ARHGAP29: variants seen among roughly 807,000 people sequenced by gnomAD.
ARHGAP29 encodes the protein rho GTPase-activating protein 29.
In ARHGAP29, 43 loss-of-function variants were observed where a neutral mutation model predicts 122.6. That is an observed-to-expected ratio of 0.35 (90% CI 0.27 to 0.45). ARHGAP29 has a LOEUF of 0.45. Ranked by LOEUF, ARHGAP29 falls within the 20% of genes least tolerant of loss-of-function variation. The probability of loss-of-function intolerance (pLI) is 1.00; values close to 1 mark genes in which losing one functional copy is unlikely to be tolerated. For missense variants in ARHGAP29, 1,303 were observed against 1,477.2 expected (o/e 0.88, Z 1.93); for synonymous variants, 506 against 497.1 (o/e 1.02, Z -0.24).
chr1:94,292,050 C>G, the ARHGAP29 span, among the ~76,000 whole-genome samples: 1 of 152,186 alleles, frequency 6.6e-6, no homozygotes, highest in Admixed American at 6.5e-5. Context: ...AGAGTGTTTT[C>G]TGACTTGGTT....
chr1:94,202,407 G>GA, intron 11 of ARHGAP29, 137 bp downstream of exon 11: 1 of 1,025,228 alleles, frequency 9.8e-7, no homozygotes, highest in East Asian at 2.5e-5. Context: ...TACTGAATGA[G>GA]AAACTCTGGG....
At chr1:94,266,031 A>G (rs1208807102) in intron 1 of ARHGAP29, among the ~76,000 whole-genome samples, 1 of 152,224 alleles carries the variant, frequency 6.6e-6, no homozygotes, top group Non-Finnish European at 1.5e-5. Flanking sequence ...TTTCTGGGCT[A>G]TTTTATGAGC....
intron 1 of ARHGAP29, among the ~76,000 whole-genome samples, chr1:94,234,601 C>A (rs1348370657): frequency 6.6e-6 from 1 of 152,138 alleles, no homozygotes; most frequent in Non-Finnish European, 1.5e-5. Flanking sequence ...TAGTTTCAAA[C>A]CTATCTAACA....
At chr1:94,311,908 GC>G in the ARHGAP29 span, among the ~76,000 whole-genome samples, 1 of 152,066 alleles carries the variant, frequency 6.6e-6, no homozygotes, top group Non-Finnish European at 1.5e-5. Context: ...CCTCACCTGG[GC>G]CCTGTGTCTC....
intron 21 of ARHGAP29, 59 bp from the exon 22 acceptor site, chr1:94,177,779 A>G (rs1211521612): frequency 6.4e-7 from 1 of 1,558,004 alleles, no homozygotes; most frequent in African/African-American, 1.4e-5. Context: ...CAAAATAAAC[A>G]GTTCAAAGAT....
intron 16 of ARHGAP29, 59 bp downstream of exon 16, chr1:94,186,440 T>C (rs1188876426): frequency 8.4e-6 from 10 of 1,184,720 alleles, no homozygotes; most frequent in African/African-American, 3.1e-5. Flanking sequence ...TTATCTAATA[T>C]CATGCAGTGC....
At chr1:94,175,739 C>T (rs1480377566) in intron 22 of ARHGAP29, among the ~76,000 whole-genome samples, 4 of 152,114 alleles carry the variant, frequency 2.6e-5, no homozygotes, top group Non-Finnish European at 5.9e-5. Context: ...GAGTCTCACT[C>T]TGTCACCCAG....
At chr1:94,246,805 T>C (rs913528165) in intron 1 of ARHGAP29, among the ~76,000 whole-genome samples, 4 of 151,936 alleles carry the variant, frequency 2.6e-5, no homozygotes, top group African/African-American at 9.7e-5. Context: ...CTCTAGGTGG[T>C]AGGTGCAATC....
the ARHGAP29 span, among the ~76,000 whole-genome samples, chr1:94,305,375 A>G: frequency 6.6e-6 from 1 of 152,220 alleles, no homozygotes; most frequent in Non-Finnish European, 1.5e-5. Context: ...ACCTCTGGGC[A>G]GAGAGAACAG....
In ARHGAP29 at chr1:94,205,944, T is replaced by A. The variant is rs561283845; in HGVS notation, c.511-261A>T. ...AACAGCATTAGTTAACATTAATGAA[T>A]CCATTCAAAACTTTAAATTTTGCAG... is the stretch of plus-strand genomic sequence containing the variant. On this transcript the variant is annotated intron_variant, in intron 5 of 22. Coordinates refer to ENST00000260526, the MANE Select transcript of ARHGAP29 (RefSeq NM_004815.4). Among the ~76,000 whole-genome samples the A allele has an allele frequency of 5.7e-4, 87 of 152,278 alleles. 1 individual carries two copies. In the South Asian group the frequency reaches 6.4e-3, roughly 11 times the overall value.
upstream of ARHGAP29, among the ~76,000 whole-genome samples, chr1:94,276,974 G>A (rs1374162902): frequency 2.0e-5 from 3 of 151,940 alleles, no homozygotes; most frequent in Non-Finnish European, 4.4e-5. Flanking sequence ...CAACTTAAGC[G>A]TCTTCGTGCT....
intron 3 of ARHGAP29, among the ~76,000 whole-genome samples, chr1:94,218,417 G>T (rs899372618): frequency 5.3e-5 from 8 of 152,182 alleles, no homozygotes; most frequent in African/African-American, 1.9e-4. Flanking sequence ...AAGACAGAAA[G>T]ATCTTCAAGG....
intron 1 of ARHGAP29, among the ~76,000 whole-genome samples, chr1:94,256,967 G>GT (rs1654383612): frequency 1.3e-5 from 2 of 152,174 alleles, no homozygotes; most frequent in East Asian, 1.9e-4. Flanking sequence ...TACTTTTCAG[G>GT]TTTTTTATGC....
intron 3 of ARHGAP29, among the ~76,000 whole-genome samples, chr1:94,212,631 G>GT (rs1374420848): frequency 6.6e-6 from 1 of 151,904 alleles, no homozygotes; most frequent in Non-Finnish European, 1.5e-5. Flanking sequence ...AAAAATAATT[G>GT]TAACAACTGT....
chr1:94,184,586 A>C (rs1338301330), intron 18 of ARHGAP29, among the ~76,000 whole-genome samples: 1 of 151,924 alleles, frequency 6.6e-6, no homozygotes, highest in Non-Finnish European at 1.5e-5. Flanking sequence ...TCTACAGAAA[A>C]AAATTTTTTT....
intron 3 of ARHGAP29, 79 bp from the exon 4 acceptor site, chr1:94,209,429 C>T (rs932941464): frequency 4.9e-6 from 4 of 823,812 alleles, no homozygotes; most frequent in Non-Finnish European, 7.3e-6. Flanking sequence ...TCCTTTAAAA[C>T]TTCATCATTA....
intron 12 of ARHGAP29, chr1:94,191,138 A>G (rs1161872195): frequency 6.6e-6 from 1 of 152,188 alleles, no homozygotes; most frequent in Non-Finnish European, 1.5e-5. Flanking sequence ...TTTAAGATAA[A>G]GCTAAAAAAA....
intron 8 of ARHGAP29, among the ~76,000 whole-genome samples, chr1:94,203,660 G>A (rs1172735881): frequency 2.6e-5 from 4 of 152,030 alleles, no homozygotes; most frequent in South Asian, 2.1e-4. Context: ...CTTGAGCCTC[G>A]GGGGACAGAG....
At chr1:94,229,911 T>G (rs1440843805) in intron 2 of ARHGAP29, among the ~76,000 whole-genome samples, 1 of 151,638 alleles carries the variant, frequency 6.6e-6, no homozygotes, top group Non-Finnish European at 1.5e-5. Flanking sequence ...TGAAGATTTT[T>G]AAGAGATATA....
Sources: allele counts gnomAD v4.1 joint callset (sites outside exome capture counted in the v4.1 genomes callset), GRCh38; gene constraint gnomAD v4.1.1; transcripts MANE v1.5; gene names NCBI Gene and HGNC (gene_info 2026-07-23, HGNC 2026-07-21).